DOCK9: variants seen among roughly 807,000 people sequenced by gnomAD.
The protein encoded by DOCK9 is dedicator of cytokinesis 9, also known as dedicator of cytokinesis protein 9.
In DOCK9, 89 loss-of-function variants were observed where a neutral mutation model predicts 263.3. The ratio of observed to expected loss-of-function variants is 0.34; its 90% confidence interval spans 0.28 to 0.40. The LOEUF is 0.40. Among genes scored for constraint, DOCK9 ranks in the 10% least tolerant of loss-of-function variants. DOCK9 has a pLI of 1.00. For missense variants in DOCK9, 2,140 were observed against 2,603.4 expected, an observed-to-expected ratio of 0.82 and a Z score of 3.87; for synonymous variants, 976 against 973.1, an observed-to-expected ratio of 1.00 and a Z score of -0.06.
intron 1 of DOCK9, among the ~76,000 whole-genome samples, chr13:98,971,397 T>G (rs373289147): frequency 3.9e-5 from 6 of 152,174 alleles, no homozygotes; most frequent in Admixed American, 1.3e-4. Flanking sequence ...ACCTGGATCA[T>G]CTATAAATTT....
intron 1 of DOCK9, among the ~76,000 whole-genome samples, chr13:98,983,607 A>AATTATT (rs780091067): frequency 7.0e-6 from 1 of 143,712 alleles, no homozygotes; most frequent in Non-Finnish European, 1.5e-5. Flanking sequence ...TGCCCTCCTC[A>AATTATT]ATTATTATTA....
chr13:98,889,635 T>C (rs949096434), intron 15 of DOCK9, among the ~76,000 whole-genome samples: 2 of 152,240 alleles, frequency 1.3e-5, no homozygotes, highest in African/African-American at 4.8e-5. Flanking sequence ...AGTCTGCTCT[T>C]GCTCATAGCA....
chr13:98,975,040 G>A (rs144990782), intron 1 of DOCK9, among the ~76,000 whole-genome samples: 3 of 152,240 alleles, frequency 2.0e-5, no homozygotes, highest in South Asian at 2.1e-4. Context: ...ATTAAATAAC[G>A]ATCCAATTAT....
intron 38 of DOCK9, among the ~76,000 whole-genome samples, chr13:98,841,388 T>C (rs570222089): frequency 1.1e-4 from 16 of 152,304 alleles, no homozygotes; most frequent in African/African-American, 3.6e-4. Context: ...AAATCCTCTG[T>C]AAGGATATTA....
At chr13:98,971,429 C>T (rs745393621) in intron 1 of DOCK9, among the ~76,000 whole-genome samples, 50 of 152,030 alleles carry the variant, frequency 3.3e-4, no homozygotes, top group Non-Finnish European at 2.6e-4. Context: ...AAATAGGGGC[C>T]GGGCGCGGTG....
chr13:98,902,396 C>T lies in DOCK9; in HGVS notation c.1272G>A (p.Val424=), dbSNP rs2139470791. 6.2e-7 allele frequency: 1 copy of T among 1,614,016 alleles called. No homozygotes were observed. The highest frequency in any genetic ancestry group is 8.5e-7 in the Non-Finnish European group (1 of 1,179,896). Residue 424 remains valine, a synonymous_variant, in exon 12 of 53, where the codon GTG becomes GTA. Coordinates refer to ENST00000682017, the MANE Select transcript of DOCK9 (RefSeq NM_001366683.2). ...DFHVDLNHFS[V]RQMLATTSPA... ...GGGACGTGGTGGCGAGCATTTGCCT[C>T]ACTGAGAAATGGTTCAGGTCTACGT...
intron 1 of DOCK9, among the ~76,000 whole-genome samples, chr13:99,078,837 T>C (rs1041452233): frequency 1.3e-5 from 2 of 152,170 alleles, no homozygotes; most frequent in African/African-American, 4.8e-5. Context: ...TTGACCAAAG[T>C]GATAAAAGTA....
intron 38 of DOCK9, among the ~76,000 whole-genome samples, chr13:98,838,750 C>T (rs2093102588): frequency 6.6e-6 from 1 of 152,164 alleles, no homozygotes; most frequent in Admixed American, 6.5e-5. Context: ...TATAATAAAA[C>T]ACCATGTAAT....
chr13:98,794,643 AGCTGGTCATCCCGTGAACCATTGT>A lies in DOCK9; in HGVS notation c.6238_6261del (p.Thr2080_Ser2087del). Reference sequence around the variant, plus strand: ...AGATGTAATCACACGACCGAAGACGAGCTGGTCATCCCGTGAACCATTGTGCTTGTTGGAGTCCCACTGATGGCG... The same window carrying A: ...AGATGTAATCACACGACCGAAGACGAGCTTGTTGGAGTCCCACTGATGGCG... On this transcript the variant is annotated inframe_deletion, in exon 53 of 53. Coordinates refer to ENST00000682017, the MANE Select transcript of DOCK9 (RefSeq NM_001366683.2). 1.2e-6 allele frequency: 2 copies of A among 1,608,368 alleles called. No homozygotes were observed. Among genetic ancestry groups the A allele is most frequent in the Non-Finnish European group, 1.7e-6 (2 of 1,177,326 alleles).
At chr13:98,920,550 C>CTGA (rs2051782186) in intron 7 of DOCK9, among the ~76,000 whole-genome samples, 1 of 144,560 alleles carries the variant, frequency 6.9e-6, no homozygotes, top group African/African-American at 2.6e-5. Flanking sequence ...AATCTCTTTA[C>CTGA]TGATCTACAC....
At position 98,869,445 on chromosome 13, in the gene DOCK9, G is replaced by A. The variant is rs115469757; in HGVS notation, c.2944-1068C>T. The stretch of plus-strand genomic sequence containing the variant: ...AGGTCTACCACAGAATCCAAAACTT[G>A]GGCATTTTCTGTTACATGAAGCTGC... On this transcript the variant is annotated intron_variant, in intron 27 of 52. Transcript: ENST00000682017. 7.9e-3 allele frequency among the ~76,000 whole-genome samples: 1,206 copies of A among 152,288 alleles called. 18 individuals are homozygous for A. The highest frequency in any genetic ancestry group is 0.028 in the African/African-American group (1,148 of 41,570).
At position 98,831,420 on chromosome 13, in the gene DOCK9, C is replaced by G. The variant is rs1385413274; in HGVS notation, c.4563G>C (p.Gln1521His). The change falls in exon 41 of 53, where the codon CAG becomes CAC. Residue 1521 changes from glutamine (Q) to histidine (H), a missense_variant. Around this residue, in one of 2 missense-constraint regions of DOCK9, gnomAD observed 619 missense variants for 861.8 expected, o/e 0.72. Transcript: ENST00000682017. ...TGTTCCTCATCAGGAAGTAGAGCAG[C>G]TGGGAGGCCTCCGTCCTGATGGAGC... Reference protein sequence around the residue: ...KLSSIRTEASQLLYFLMRNNF... With the variant: ...KLSSIRTEASHLLYFLMRNNF... 3.7e-6 allele frequency: 6 copies of G among 1,602,744 alleles called. No homozygotes were observed. The highest frequency in any genetic ancestry group is 5.1e-6 in the Non-Finnish European group (6 of 1,174,400).
At chr13:98,887,141 ATATTTTTTTTTTTTT>A (rs1482777376) in intron 18 of DOCK9, among the ~76,000 whole-genome samples, 8 of 59,602 alleles carry the variant, frequency 1.3e-4, no homozygotes, top group African/African-American at 4.5e-4. Context: ...ATATATATAT[ATATTTTTTTTTTTTT>A]TTTTTTTTTT....
chr13:98,881,092 G>T (rs1480270749), intron 25 of DOCK9, among the ~76,000 whole-genome samples: 1 of 152,230 alleles, frequency 6.6e-6, no homozygotes, highest in African/African-American at 2.4e-5. Flanking sequence ...ACTGGATGTT[G>T]TATATAAATA....
chr13:98,966,091 C>T (rs1412509207), intron 1 of DOCK9, among the ~76,000 whole-genome samples: 3 of 152,186 alleles, frequency 2.0e-5, no homozygotes, highest in Non-Finnish European at 4.4e-5. Context: ...CCTCGCCTGC[C>T]GTCGTCAGCT....
intron 2 of DOCK9, among the ~76,000 whole-genome samples, chr13:98,951,844 CAT>C (rs1337249461): frequency 6.6e-6 from 1 of 152,006 alleles, no homozygotes; most frequent in Non-Finnish European, 1.5e-5. Context: ...CTGCAGGCCC[CAT>C]GGCATTCCTG....
chr13:98,878,894 A>T (rs1466184028), intron 27 of DOCK9, among the ~76,000 whole-genome samples: 1 of 152,082 alleles, frequency 6.6e-6, no homozygotes, highest in Non-Finnish European at 1.5e-5. Context: ...GGAGGCCTAG[A>T]TTCTGCCCCT....
rs766256098 is a variant in DOCK9, at chr13:99,045,002, A to T, written c.129+41221T>A. On this transcript the variant is annotated intron_variant, in intron 1 of 32. Transcript: ENST00000427887. ...TACCCAAGTCGACAGACCTTCTTCA[A>T]GAGATGTCTCACTAAGAGGATGTGG... is the stretch of plus-strand genomic sequence containing the variant. Among the ~76,000 whole-genome samples, 22 of 152,326 alleles carry T rather than the reference A, an allele frequency of 1.4e-4. 1 individual carries two copies. Among genetic ancestry groups the T allele is most frequent in the East Asian group, 1.9e-4 (1 of 5,180 alleles).
chr13:98,982,072 T>C (rs1436198761), upstream of DOCK9, among the ~76,000 whole-genome samples: 2 of 152,194 alleles, frequency 1.3e-5, no homozygotes, highest in Admixed American at 1.3e-4. Flanking sequence ...GTTTCACTGT[T>C]AAAAATGTTG....
Sources: gnomAD v4.1 joint callset for allele counts (sites outside exome capture counted in the v4.1 genomes callset) on GRCh38, gnomAD v4.1.1 for gene constraint, gnomAD v4.1.1 regional missense constraint, MANE v1.5 for transcripts, NCBI Gene and HGNC (gene_info 2026-07-23, HGNC 2026-07-21) for gene names.